The following CD300LB variants were observed in gnomAD, a reference collection of about 807,000 sequenced individuals.
CD300LB encodes the protein CMRF35-like molecule 7.
Under a neutral mutation model 20.8 loss-of-function variants are expected in CD300LB, and 18 were observed. The ratio of observed to expected loss-of-function variants is 0.87; its 90% confidence interval spans 0.60 to 1.28. The LOEUF (loss-of-function observed/expected upper bound fraction) is 1.28, where lower values mean the gene tolerates loss of function less well. Ranked by LOEUF, CD300LB falls within the 50% of genes most tolerant of loss-of-function variation. The pLI is 0.00. For missense variants in CD300LB, 222 were observed against 251.8 expected (o/e 0.88, Z 0.80); for synonymous variants, 91 against 91.3 (o/e 1.00, Z 0.02).
chr17:74,529,014 C>T (rs989527328), intron 1 of CD300LB, among the ~76,000 whole-genome samples: 4 of 152,114 alleles, frequency 2.6e-5, no homozygotes, highest in African/African-American at 9.7e-5. Flanking sequence ...CCTGTGGTCC[C>T]CACTGCTTGG....
At chr17:74,523,121 C>T (rs1016399509) in intron 3 of CD300LB, 1 of 567,348 alleles carries the variant, frequency 1.8e-6, no homozygotes, top group Non-Finnish European at 3.2e-6. Context: ...CTAACATCAC[C>T]TTCTGGGACC....
chr17:74,521,554 GA>G lies in CD300LB; in HGVS notation c.*1183del. 6.1e-6 allele frequency: 6 copies of G among 985,506 alleles called. No individual in the cohort carries two copies. The South Asian group carries it at 2.3e-4, about 39-fold the overall frequency. The allele number at this position is 985,506 out of a possible 1,614,324, so 61.0% of individuals were successfully genotyped here. A position where few individuals can be genotyped will look rare whatever the true frequency, so the allele number is the denominator to read the frequency against. The stretch of plus-strand genomic sequence containing the variant: ...AGAGAAAGTTTCTCTTTGGCTGAAG[GA>G]CAAGAAGAGGGGAGGCTCTGGGTGC... On this transcript the variant is annotated 3_prime_UTR_variant, in exon 4 of 4. Transcript: ENST00000392621.
chr17:74,523,794 C>G, intron 2 of CD300LB, 143 bp from the exon 3 acceptor site: 2 of 657,126 alleles, frequency 3.0e-6, no homozygotes, highest in South Asian at 3.3e-5. Flanking sequence ...GCTACAGCCC[C>G]TCATGCTTCT....
chr17:74,522,293 C>T lies in CD300LB; in HGVS notation c.*445G>A. 1.0e-6 allele frequency: 1 copy of T among 987,424 alleles called. No homozygotes were observed. The highest frequency in any genetic ancestry group is 4.6e-5 in the South Asian group (1 of 21,916). The allele number at this position is 987,424 out of a possible 1,614,324, so 61.2% of individuals were successfully genotyped here. On this transcript the variant is annotated 3_prime_UTR_variant, in exon 4 of 4. Coordinates refer to ENST00000392621, the MANE Select transcript of CD300LB (RefSeq NM_174892.4). ...ATGAACATAAGTCATTAAAACCCAA[C>T]TTTGCTAGAAAAAAAAAAATTTAAA...
At chr17:74,526,776 C>T (rs1418270615) in intron 1 of CD300LB, among the ~76,000 whole-genome samples, 1 of 152,108 alleles carries the variant, frequency 6.6e-6, no homozygotes, top group Non-Finnish European at 1.5e-5. Flanking sequence ...GTAAATACTC[C>T]CACGGTGGCA....
At chr17:74,529,285 G>A (rs142968034) in intron 1 of CD300LB, among the ~76,000 whole-genome samples, 225 of 152,160 alleles carry the variant, frequency 1.5e-3, no homozygotes, top group Non-Finnish European at 1.9e-3. Context: ...GGTCTTCCCA[G>A]CCCCAGCAGC....
In CD300LB at chr17:74,522,475, A is replaced by G; in HGVS notation, c.*263T>C. 9 of 1,216,976 alleles carry G rather than the reference A, an allele frequency of 7.4e-6. No individual in the cohort carries two copies. The highest frequency in any genetic ancestry group is 9.3e-6 in the Non-Finnish European group (9 of 968,886). The allele number at this position is 1,216,976 out of a possible 1,614,324, so 75.4% of individuals were successfully genotyped here. The stretch of plus-strand genomic sequence containing the variant: ...TCCAGCAGTGGGGACAGAGTCGTCC[A>G]GTGCTTGAGCTCCATCTCTACAGCT... On this transcript the variant is annotated 3_prime_UTR_variant, in exon 4 of 4. Coordinates refer to ENST00000392621, the MANE Select transcript of CD300LB (RefSeq NM_174892.4).
Position 74,523,791 on chromosome 17 carries a change from C to T in CD300LB, c.371-140G>A, listed in dbSNP as rs540014956. ...GGAGGATTTTTCTCTCCTGCTACAG[C>T]CCCTCATGCTTCTACTGAGTCACTT... On this transcript the variant is annotated intron_variant, in intron 2 of 3. Coordinates refer to ENST00000392621, the MANE Select transcript of CD300LB (RefSeq NM_174892.4). 131 of 660,612 alleles carry T rather than the reference C, an allele frequency of 2.0e-4. No homozygotes were observed. The African/African-American group carries it at 2.1e-3, about 11-fold the overall frequency. 40.9% of individuals were successfully genotyped at this position (660,612 alleles called of 1,614,324 possible). A position where few individuals can be genotyped will look rare whatever the true frequency, so the allele number is the denominator to read the frequency against.
Position 74,531,352 on chromosome 17 carries a change from G to A in CD300LB, c.-2C>T, listed in dbSNP as rs1021747032. ...GAGCAGAGCAGGGGGCAGCCACATGGCTCTGCCTTCCCGGCTCCTCGTCCG... is the reference window on the plus strand; with the variant it reads ...GAGCAGAGCAGGGGGCAGCCACATGACTCTGCCTTCCCGGCTCCTCGTCCG... On this transcript the variant is annotated 5_prime_UTR_variant, in exon 1 of 4. Transcript: ENST00000392621. The A allele has an allele frequency of 6.2e-7, 1 of 1,611,024 alleles. No homozygotes were observed. The highest frequency in any genetic ancestry group is 8.5e-7 in the Non-Finnish European group (1 of 1,178,486).
chr17:74,522,979 C>A (rs2088722917), intron 3 of CD300LB, 79 bp from the exon 4 acceptor site: 6 of 1,382,518 alleles, frequency 4.3e-6, no homozygotes, highest in Non-Finnish European at 5.9e-6. Flanking sequence ...CTGTGAGCCA[C>A]CAGCCAAAGC....
intron 1 of CD300LB, among the ~76,000 whole-genome samples, chr17:74,528,584 G>A (rs972993116): frequency 6.6e-5 from 10 of 151,896 alleles, no homozygotes; most frequent in Non-Finnish European, 1.3e-4. Context: ...TTCAGCCCCC[G>A]AGCTGATTGG....
chr17:74,521,497 A>C lies in CD300LB; in HGVS notation c.*1241T>G, dbSNP rs1907877991. Reference sequence around the variant, plus strand: ...CCATTATGGAATTTTCAGGCCCATCATTGGCCAGAGACCTAAATTCAGTTC... The same window carrying C: ...CCATTATGGAATTTTCAGGCCCATCCTTGGCCAGAGACCTAAATTCAGTTC... On this transcript the variant is annotated 3_prime_UTR_variant, in exon 4 of 4. Coordinates refer to ENST00000392621, the MANE Select transcript of CD300LB (RefSeq NM_174892.4). 1.0e-6 allele frequency: 1 copy of C among 985,342 alleles called. No individual in the cohort carries two copies. Among genetic ancestry groups the C allele is most frequent in the Non-Finnish European group, 1.2e-6 (1 of 829,948 alleles). The allele number at this position is 985,342 out of a possible 1,614,324, so 61.0% of individuals were successfully genotyped here. A position where few individuals can be genotyped will look rare whatever the true frequency, so the allele number is the denominator to read the frequency against.
chr17:74,526,922 G>C (rs573651550), intron 1 of CD300LB, among the ~76,000 whole-genome samples: 1 of 152,202 alleles, frequency 6.6e-6, no homozygotes, highest in South Asian at 2.1e-4. Context: ...TGTCTCACCT[G>C]ACAAGCCTCC....
rs1568001209 is a variant in CD300LB, at chr17:74,530,593, C to CA, written c.40+717_40+718insT. 5.5e-5 allele frequency among the ~76,000 whole-genome samples: 7 copies of CA among 128,014 alleles called. No individual in the cohort carries two copies. In the East Asian group the frequency reaches 1.5e-3, roughly 28 times the overall value. 84.0% of individuals were successfully genotyped at this position (128,014 alleles called of 152,430 possible). On this transcript the variant is annotated intron_variant, in intron 1 of 3. Transcript: ENST00000392621. Reference sequence around the variant, plus strand: ...CACACACACACACACACACACACACCCAACTCTCTAGAGTGTTCTCCTCTC... The same window carrying CA: ...CACACACACACACACACACACACACCACAACTCTCTAGAGTGTTCTCCTCTC...
chr17:74,528,715 C>T (rs1461993079), intron 1 of CD300LB, among the ~76,000 whole-genome samples: 1 of 152,032 alleles, frequency 6.6e-6, no homozygotes, highest in Non-Finnish European at 1.5e-5. Context: ...AGCTTTGATG[C>T]AGAAAGACTT....
rs115195000 is a variant in CD300LB, at chr17:74,522,864, G to A, written c.480C>T (p.Pro160=). The part of the protein sequence containing the change: ...HYMLLVFVKV[P]ILLILVTAIL... ...TGGCAGTGACCAAGATGAGCAAGAT[G>A]GGCACCTTCACAAATACCAGGAGCA... The change falls in exon 4 of 4, where the codon CCC becomes CCT. Residue 160 remains proline, a synonymous_variant. Coordinates refer to ENST00000392621, the MANE Select transcript of CD300LB (RefSeq NM_174892.4). 3.2e-4 allele frequency: 521 copies of A among 1,614,008 alleles called. 1 individual carries two copies. In the Middle Eastern group the frequency reaches 4.2e-3, roughly 13 times the overall value.
intron 1 of CD300LB, among the ~76,000 whole-genome samples, chr17:74,530,993 C>T (rs1417905207): frequency 1.3e-5 from 2 of 152,090 alleles, no homozygotes; most frequent in Non-Finnish European, 2.9e-5. Context: ...TATATAGAGA[C>T]GAGGTCTCAC....
In CD300LB at chr17:74,522,293, C is replaced by A. The variant is rs1306522827; in HGVS notation, c.*445G>T. On this transcript the variant is annotated 3_prime_UTR_variant, in exon 4 of 4. Transcript: ENST00000392621. ...ATGAACATAAGTCATTAAAACCCAA[C>A]TTTGCTAGAAAAAAAAAAATTTAAA... The A allele has an allele frequency of 2.0e-6, 2 of 987,306 alleles. No individual in the cohort carries two copies. Among genetic ancestry groups the A allele is most frequent in the Non-Finnish European group, 2.4e-6 (2 of 831,328 alleles). 61.2% of individuals were successfully genotyped at this position (987,306 alleles called of 1,614,324 possible).
rs913857843 is a variant in CD300LB at position 74,522,312 on chromosome 17, A to T, written c.*426T>A. On this transcript the variant is annotated 3_prime_UTR_variant, in exon 4 of 4. Coordinates refer to ENST00000392621, the MANE Select transcript of CD300LB (RefSeq NM_174892.4). The stretch of plus-strand genomic sequence containing the variant: ...ACCCAACTTTGCTAGAAAAAAAAAA[A>T]TTTAAAAACACGGATATATCAGGTT... 5.8e-5 allele frequency: 57 copies of T among 987,882 alleles called. No homozygotes were observed. In the African/African-American group the frequency reaches 8.6e-4, roughly 15 times the overall value. 61.2% of individuals were successfully genotyped at this position (987,882 alleles called of 1,614,324 possible).
Sources: gnomAD v4.1 joint callset for allele counts (sites outside exome capture counted in the v4.1 genomes callset) on GRCh38, gnomAD v4.1.1 for gene constraint, MANE v1.5 for transcripts, NCBI Gene and HGNC (gene_info 2026-07-23, HGNC 2026-07-21) for gene names.